Variants in PRKG1 observed in about 807,000 individuals in gnomAD.
The protein encoded by PRKG1 is protein kinase cGMP-dependent 1, also known as cGMP-dependent protein kinase 1.
In PRKG1, 35 loss-of-function variants were observed where a neutral mutation model predicts 88.1. The ratio of observed to expected loss-of-function variants is 0.40; its 90% CI spans 0.30 to 0.53. The LOEUF (loss-of-function observed/expected upper bound fraction) is 0.53. Ranked by LOEUF, PRKG1 falls within the 20% of genes least tolerant of loss-of-function variation. The pLI is 0.59. For synonymous variants in PRKG1, 303 were observed against 292.5 expected (o/e 1.04, Z -0.37); for missense variants, 540 against 839.8 (o/e 0.64, Z 4.41).
intron 2 of PRKG1, among the ~76,000 whole-genome samples, chr10:51,248,757 A>G (rs1216701861): frequency 1.3e-5 from 2 of 151,896 alleles, no homozygotes; most frequent in African/African-American, 4.8e-5. Flanking sequence ...TATTGCAACT[A>G]CAGTATAACA....
At chr10:51,316,141 G>A (rs1412224095) in intron 2 of PRKG1, among the ~76,000 whole-genome samples, 7 of 152,002 alleles carry the variant, frequency 4.6e-5, no homozygotes, top group Non-Finnish European at 1.0e-4. Context: ...TTTTGAATGG[G>A]CACAAGAAAA....
At chr10:52,085,695 C>T (rs1049588506) in intron 7 of PRKG1, among the ~76,000 whole-genome samples, 2 of 152,146 alleles carry the variant, frequency 1.3e-5, no homozygotes, top group African/African-American at 4.8e-5. Context: ...ATTAAATGTG[C>T]TCACGGCTAC....
At chr10:51,305,338 C>G (rs977304116) in intron 2 of PRKG1, among the ~76,000 whole-genome samples, 9 of 152,076 alleles carry the variant, frequency 5.9e-5, no homozygotes, top group African/African-American at 2.2e-4. Context: ...CAGAAATGCC[C>G]TTGAATTATA....
intron 2 of PRKG1, among the ~76,000 whole-genome samples, chr10:51,274,686 G>A (rs562940106): frequency 9.2e-5 from 14 of 152,196 alleles, no homozygotes; most frequent in Non-Finnish European, 1.9e-4. Flanking sequence ...TCATGCAGTG[G>A]CTGATGCCAT....
At chr10:51,302,520 A>G (rs1840917587) in intron 2 of PRKG1, 1 of 151,138 alleles carries the variant, frequency 6.6e-6, no homozygotes, top group Admixed American at 6.7e-5. Context: ...CTTTCAGGCC[A>G]ATATTTTTAA....
At position 51,778,713 on chromosome 10, in the gene PRKG1, G is replaced by T. The variant is rs189535444; in HGVS notation, c.593-25872G>T. ...TTTATAAATTTCCAGAAATAATCTT[G>T]TAGCTGTAAGAGTAGATATGATATT... On this transcript the variant is annotated intron_variant, in intron 3 of 17. Coordinates refer to ENST00000373980, the MANE Select transcript of PRKG1 (RefSeq NM_006258.4). Among the ~76,000 whole-genome samples the T allele has an allele frequency of 1.5e-3, 223 of 152,174 alleles. 1 individual carries two copies. Among genetic ancestry groups the T allele is most frequent in the African/African-American group, 5.2e-3 (214 of 41,532 alleles).
intron 5 of PRKG1, among the ~76,000 whole-genome samples, chr10:52,039,063 G>A (rs550871678): frequency 1.3e-5 from 2 of 152,178 alleles, no homozygotes; most frequent in African/African-American, 2.4e-5. Context: ...GGAGGACAGG[G>A]GATTGATCTC....
chr10:51,441,441 C>A (rs1839100655), intron 2 of PRKG1, among the ~76,000 whole-genome samples: 1 of 151,932 alleles, frequency 6.6e-6, no homozygotes, highest in Admixed American at 6.6e-5. Context: ...TTTCAAAATT[C>A]TATTGACATT....
At chr10:51,325,240 G>A (rs866712941) in intron 2 of PRKG1, among the ~76,000 whole-genome samples, 13 of 152,104 alleles carry the variant, frequency 8.5e-5, no homozygotes, top group Middle Eastern at 3.4e-3. Flanking sequence ...TGATTTTTTT[G>A]AAGTGATTGA....
chr10:51,059,177 A>C (rs1843667501), intron 1 of PRKG1, among the ~76,000 whole-genome samples: 2 of 152,262 alleles, frequency 1.3e-5, no homozygotes, highest in Middle Eastern at 3.4e-3. Context: ...TATGAATTTT[A>C]CTTAGTGTTC....
chr10:51,444,222 G>C (rs1384185949), intron 2 of PRKG1, among the ~76,000 whole-genome samples: 2 of 151,548 alleles, frequency 1.3e-5, no homozygotes, highest in Non-Finnish European at 2.9e-5. Flanking sequence ...CTGGGAAACA[G>C]TGAGGGCATT....
chr10:52,112,267 T>A (rs929943202), intron 7 of PRKG1, among the ~76,000 whole-genome samples: 2 of 152,220 alleles, frequency 1.3e-5, no homozygotes, highest in East Asian at 3.8e-4. Context: ...GCTTGTGGAA[T>A]TTATAACTTT....
intron 3 of PRKG1, among the ~76,000 whole-genome samples, chr10:51,630,118 G>A (rs192262389): frequency 1.3e-5 from 2 of 152,238 alleles, no homozygotes; most frequent in African/African-American, 4.8e-5. Context: ...TGCCAGTGAT[G>A]ACTGTTTTTC....
At chr10:51,081,843 A>G (rs1844119692) in intron 1 of PRKG1, among the ~76,000 whole-genome samples, 1 of 152,132 alleles carries the variant, frequency 6.6e-6, no homozygotes, top group Admixed American at 6.5e-5. Context: ...TGCAGCTTCA[A>G]ACTCCTGGGC....
chr10:52,120,053 CAGAG>C (rs201707965), intron 7 of PRKG1, among the ~76,000 whole-genome samples: 8 of 151,220 alleles, frequency 5.3e-5, no homozygotes, highest in Middle Eastern at 6.8e-3. Flanking sequence ...GAGACAGAGA[CAGAG>C]AGAGAGAGAA....
rs966747832 is a variant in PRKG1, at chr10:51,387,237, C to T, written c.479-80486C>T. 4.0e-5 allele frequency among the ~76,000 whole-genome samples: 6 copies of T among 151,654 alleles called. No individual in the cohort carries two copies. In the East Asian group the frequency reaches 5.8e-4, roughly 15 times the overall value. Reference sequence around the variant, plus strand: ...GGGAACTGTGTAGTTCCACAGGGCCCGTGGTCAAGGGGGTCTGCACTTGGT... The same window carrying T: ...GGGAACTGTGTAGTTCCACAGGGCCTGTGGTCAAGGGGGTCTGCACTTGGT... On this transcript the variant is annotated intron_variant, in intron 2 of 17. Coordinates refer to ENST00000373980, the MANE Select transcript of PRKG1 (RefSeq NM_006258.4).
At chr10:52,056,935 G>T (rs1281542975) in intron 6 of PRKG1, among the ~76,000 whole-genome samples, 1 of 152,140 alleles carries the variant, frequency 6.6e-6, no homozygotes, top group African/African-American at 2.4e-5. Flanking sequence ...AGGAAAGAGA[G>T]GTGAATAATA....
chr10:51,171,779 G>C (rs909157160), intron 2 of PRKG1, among the ~76,000 whole-genome samples: 2 of 152,010 alleles, frequency 1.3e-5, no homozygotes, highest in Non-Finnish European at 2.9e-5. Context: ...AGCAACTTAA[G>C]GTCAGGAACT....
intron 2 of PRKG1, among the ~76,000 whole-genome samples, chr10:51,406,347 T>C (rs1317655874): frequency 6.6e-6 from 1 of 152,196 alleles, no homozygotes; most frequent in Non-Finnish European, 1.5e-5. Flanking sequence ...ACTCTTTTTT[T>C]CTTCATGGCA....
Sources: gnomAD v4.1 joint callset for allele counts (sites outside exome capture counted in the v4.1 genomes callset) on GRCh38, gnomAD v4.1.1 for gene constraint, MANE v1.5 for transcripts, NCBI Gene and HGNC (gene_info 2026-07-23, HGNC 2026-07-21) for gene names.